The following CSMD1 variants were observed in gnomAD, a reference collection of about 807,000 sequenced individuals.
The protein encoded by CSMD1 is CUB and sushi domain-containing protein 1.
CSMD1 carries 213 observed loss-of-function variants against 417.5 expected under a neutral mutation model. The observed-to-expected ratio is 0.51, with a 90% CI of 0.46 to 0.57. CSMD1 has a LOEUF of 0.57. Among genes scored for constraint, CSMD1 ranks in the 20% least tolerant of loss-of-function variants. The pLI is 0.00. For synonymous variants in CSMD1, 2,862 were observed against 1,736.8 expected (o/e 1.65, Z -16.11); for missense variants, 6,923 against 4,529.7 (o/e 1.53, Z -15.17).
At chr8:4,726,206 G>A (rs1048706660) in intron 1 of CSMD1, among the ~76,000 whole-genome samples, 4 of 151,860 alleles carry the variant, frequency 2.6e-5, no homozygotes, top group African/African-American at 9.7e-5. Context: ...TTTCAGCTGT[G>A]GCTTCATCAC....
intron 11 of CSMD1, among the ~76,000 whole-genome samples, chr8:3,476,869 G>C (rs1248831547): frequency 7.1e-6 from 1 of 140,572 alleles, no homozygotes; most frequent in Admixed American, 7.6e-5. Context: ...AGTGAGCCAA[G>C]ACCGTGTCAC....
At chr8:3,472,308 CAACATCTTTT>C (rs1817152895) in intron 11 of CSMD1, among the ~76,000 whole-genome samples, 3 of 152,130 alleles carry the variant, frequency 2.0e-5, no homozygotes, top group Admixed American at 2.0e-4. Context: ...GACCACACTG[CAACATCTTTT>C]AACTATTGTA....
chr8:4,076,337 G>A (rs1025542985), intron 3 of CSMD1, among the ~76,000 whole-genome samples: 1 of 152,174 alleles, frequency 6.6e-6, no homozygotes, highest in African/African-American at 2.4e-5. Flanking sequence ...GCAGAACTGT[G>A]TGTCAATCAA....
At chr8:4,405,324 A>C (rs537370229) in intron 3 of CSMD1, among the ~76,000 whole-genome samples, 1 of 143,990 alleles carries the variant, frequency 6.9e-6, no homozygotes, top group Non-Finnish European at 1.5e-5. Flanking sequence ...TTTTTTTCTC[A>C]TTTTTTTTTT....
intron 7 of CSMD1, among the ~76,000 whole-genome samples, chr8:3,693,756 T>A (rs981762364): frequency 6.6e-6 from 1 of 152,036 alleles, no homozygotes; most frequent in Admixed American, 6.6e-5. Context: ...GTGTGTTGTA[T>A]GTGTGTTTTG....
chr8:4,430,167 A>G (rs942922469), intron 2 of CSMD1, among the ~76,000 whole-genome samples: 1 of 152,168 alleles, frequency 6.6e-6, no homozygotes. Context: ...AATCTATCCT[A>G]CGTGTGCTTT....
At chr8:4,716,631 G>A (rs1036360349) in intron 1 of CSMD1, among the ~76,000 whole-genome samples, 1 of 152,122 alleles carries the variant, frequency 6.6e-6, no homozygotes, top group African/African-American at 2.4e-5. Flanking sequence ...CAGGTCTCCC[G>A]AATTCCTGGC....
chr8:4,026,791 G>C (rs1031533551), intron 4 of CSMD1, among the ~76,000 whole-genome samples: 15 of 152,192 alleles, frequency 9.9e-5, no homozygotes, highest in Admixed American at 1.3e-4. Context: ...GTTTGAAGTT[G>C]ACAAATGATT....
intron 5 of CSMD1, among the ~76,000 whole-genome samples, chr8:3,980,544 C>G (rs188948944): frequency 5.3e-5 from 8 of 152,298 alleles, no homozygotes; most frequent in Non-Finnish European, 1.0e-4. Flanking sequence ...TGTCGTCTCT[C>G]TTTGGTTTTC....
intron 2 of CSMD1, among the ~76,000 whole-genome samples, chr8:4,578,332 A>ATTTTTC (rs1799238990): frequency 4.1e-5 from 2 of 48,768 alleles, no homozygotes; most frequent in African/African-American, 1.5e-4. Context: ...CACCCGGCTC[A>ATTTTTC]TTTTTTTTTT....
intron 1 of CSMD1, among the ~76,000 whole-genome samples, chr8:4,681,384 T>G (rs1020648519): frequency 3.3e-5 from 5 of 152,216 alleles, no homozygotes; most frequent in Non-Finnish European, 7.3e-5. Flanking sequence ...GCATTCTTGC[T>G]GTCTCTTCAG....
chr8:4,227,667 A>G (rs959916855), intron 3 of CSMD1, among the ~76,000 whole-genome samples: 2 of 152,064 alleles, frequency 1.3e-5, no homozygotes, highest in Non-Finnish European at 2.9e-5. Flanking sequence ...TCCTCCTGGC[A>G]GACACAGCCT....
chr8:4,777,680 G>A (rs536284723), intron 1 of CSMD1, among the ~76,000 whole-genome samples: 6 of 152,250 alleles, frequency 3.9e-5, no homozygotes, highest in African/African-American at 7.2e-5. Flanking sequence ...CAGTTTTGCC[G>A]TTAAAAACAA....
At chr8:2,966,802 G>A in intron 57 of CSMD1, 56 bp from the exon 58 acceptor site, 1 of 1,546,054 alleles carries the variant, frequency 6.5e-7, no homozygotes, top group South Asian at 1.2e-5. Context: ...CATGAAAATG[G>A]CAAACACAAG....
At chr8:4,306,666 G>T (rs779809636) in intron 3 of CSMD1, among the ~76,000 whole-genome samples, 1 of 152,020 alleles carries the variant, frequency 6.6e-6, no homozygotes, top group Non-Finnish European at 1.5e-5. Flanking sequence ...ACATGTAGGT[G>T]ATTGTACAAT....
At chr8:3,519,919 CT>C (rs573023386) in intron 10 of CSMD1, among the ~76,000 whole-genome samples, 96 of 151,716 alleles carry the variant, frequency 6.3e-4, no homozygotes, top group African/African-American at 2.3e-3. Flanking sequence ...CAGTAGTTTA[CT>C]TTTATAAACT....
At position 3,927,418 on chromosome 8, in the gene CSMD1, A is replaced by G. The variant is rs558303755; in HGVS notation, c.818+70485T>C. Among the ~76,000 whole-genome samples the G allele has an allele frequency of 2.0e-5, 3 of 152,080 alleles. No homozygotes were observed. The South Asian group carries it at 6.2e-4, about 32-fold the overall frequency. ...ACAGTGGCTCCTACCTGTGGTCCCA[A>G]CACTTTGTGGTGCCGAGGCAGGTGG... is the stretch of plus-strand genomic sequence containing the variant. On this transcript the variant is annotated intron_variant, in intron 5 of 69. Coordinates refer to ENST00000635120, the MANE Select transcript of CSMD1 (RefSeq NM_033225.6).
intron 26 of CSMD1, among the ~76,000 whole-genome samples, chr8:3,262,579 C>A (rs952924646): frequency 6.6e-6 from 1 of 151,430 alleles, no homozygotes; most frequent in Non-Finnish European, 1.5e-5. Context: ...GACAAAGATT[C>A]CCTGTTAAAA....
At chr8:4,071,755 C>G (rs79654495) in intron 3 of CSMD1, among the ~76,000 whole-genome samples, 1 of 151,998 alleles carries the variant, frequency 6.6e-6, no homozygotes, top group African/African-American at 2.4e-5. Context: ...TTTATTTCGT[C>G]TTTGGGGTTT....
Sources: gnomAD v4.1 joint callset for allele counts (sites outside exome capture counted in the v4.1 genomes callset) on GRCh38, gnomAD v4.1.1 for gene constraint, MANE v1.5 for transcripts, NCBI Gene and HGNC (gene_info 2026-07-23, HGNC 2026-07-21) for gene names.